Variants in C1orf105 observed in about 807,000 individuals in gnomAD.
The protein encoded by C1orf105 is chromosome 1 open reading frame 105, also known as uncharacterized protein C1orf105.
A neutral mutation model predicts 20.8 loss-of-function variants in C1orf105; 17 were observed. The ratio of observed to expected loss-of-function variants is 0.82; its 90% CI spans 0.56 to 1.23. C1orf105 has a LOEUF of 1.23. Among genes scored for constraint, C1orf105 ranks in the 50% most tolerant of loss-of-function variants. The pLI, the probability that C1orf105 is intolerant of heterozygous loss-of-function variation, is 0.00. For missense variants in C1orf105, 219 were observed against 213.5 expected, an observed-to-expected ratio of 1.03 and a Z score of -0.16; for synonymous variants, 72 against 72.1, an observed-to-expected ratio of 1.00 and a Z score of 0.01.
At chr1:172,451,023 C>T (rs947763622) in intron 3 of C1orf105, 4 of 152,256 alleles carry the variant, frequency 2.6e-5, no homozygotes, top group Non-Finnish European at 5.9e-5. Flanking sequence ...CTCACGACTC[C>T]TCAAGATGCT....
In C1orf105 at chr1:172,442,030, T is replaced by C. The variant is rs749950443; in HGVS notation, c.22-3043T>C. ...GGCAAATGTCACCATGATGAAGGCA[T>C]GCAGGGACCGGGGAAGACGTGATGC... is the stretch of plus-strand genomic sequence containing the variant. On this transcript the variant is annotated intron_variant, in intron 1 of 6. Coordinates refer to ENST00000367727, the MANE Select transcript of C1orf105 (RefSeq NM_139240.4). 33 of 1,614,094 alleles carry C rather than the reference T, an allele frequency of 2.0e-5. No homozygotes were observed. The highest frequency in any genetic ancestry group is 1.6e-4 in the Middle Eastern group (1 of 6,084).
intron 6 of C1orf105, among the ~76,000 whole-genome samples, chr1:172,465,851 A>T (rs1296656072): frequency 6.6e-6 from 1 of 152,244 alleles, no homozygotes; most frequent in Non-Finnish European, 1.5e-5. Flanking sequence ...AGAAACAAGG[A>T]AAGCAGCTCT....
rs901004784 is a variant in C1orf105 at position 172,429,271 on chromosome 1, T to C, written c.21+8365T>C. Among the ~76,000 whole-genome samples the C allele has an allele frequency of 3.3e-5, 5 of 151,034 alleles. No homozygotes were observed. In the East Asian group the frequency reaches 5.8e-4, roughly 18 times the overall value. ...ACACACACACAGACACACACACACA[T>C]ACACACACAACGTGCATAGCACGTT... On this transcript the variant is annotated intron_variant, in intron 1 of 6. Coordinates refer to ENST00000367727, the MANE Select transcript of C1orf105 (RefSeq NM_139240.4).
At chr1:172,452,039 A>G (rs1648709092) in intron 3 of C1orf105, among the ~76,000 whole-genome samples, 1 of 151,530 alleles carries the variant, frequency 6.6e-6, no homozygotes, top group African/African-American at 2.4e-5. Context: ...CGCCTGGCTA[A>G]TTTTTGTATT....
intron 1 of C1orf105, among the ~76,000 whole-genome samples, chr1:172,439,254 C>A (rs1409753566): frequency 1.3e-5 from 2 of 152,144 alleles, no homozygotes; most frequent in African/African-American, 4.8e-5. Context: ...TTTATCACAT[C>A]TCTCTTCAAA....
chr1:172,433,244 T>A (rs1446548060), intron 1 of C1orf105, among the ~76,000 whole-genome samples: 2 of 152,004 alleles, frequency 1.3e-5, no homozygotes, highest in Non-Finnish European at 2.9e-5. Context: ...ATTCAGGAAA[T>A]ACACAGAACA....
chr1:172,460,899 G>A (rs1277635276), intron 4 of C1orf105, among the ~76,000 whole-genome samples: 1 of 152,220 alleles, frequency 6.6e-6, no homozygotes, highest in African/African-American at 2.4e-5. Context: ...TTGGCAGGCA[G>A]CTTTGTTCTG....
intron 1 of C1orf105, among the ~76,000 whole-genome samples, chr1:172,436,973 A>G (rs2072058589): frequency 6.6e-6 from 1 of 152,266 alleles, no homozygotes. Flanking sequence ...TGCTGCCAAC[A>G]GACACATGAA....
Position 172,444,390 on chromosome 1 carries a change from C to T in C1orf105, c.22-683C>T, listed in dbSNP as rs567493020. 3.5e-5 allele frequency: 26 copies of T among 735,230 alleles called. No homozygotes were observed. In the South Asian group the frequency reaches 1.4e-3, roughly 40 times the overall value. 45.5% of individuals were successfully genotyped at this position (735,230 alleles called of 1,614,324 possible). On this transcript the variant is annotated intron_variant, in intron 1 of 6. Coordinates refer to ENST00000367727, the MANE Select transcript of C1orf105 (RefSeq NM_139240.4). ...AGTCAGGCCCTCAGCTGGGACTTCC[C>T]GTGCATCCATGCGTTCATTCCACAG... is the stretch of plus-strand genomic sequence containing the variant.
intron 1 of C1orf105, chr1:172,442,659 G>A (rs1439117312): frequency 3.0e-5 from 46 of 1,556,010 alleles, no homozygotes; most frequent in Non-Finnish European, 3.7e-5. Context: ...TTTAATCATC[G>A]CCCTCACAGA....
chr1:172,439,848 TAGAA>T (rs779414683), intron 1 of C1orf105, among the ~76,000 whole-genome samples: 2,384 of 152,320 alleles, frequency 0.016, 24 homozygotes, highest in Middle Eastern at 0.027. Context: ...ATGTGGACTA[TAGAA>T]TAATTATGAG....
At chr1:172,462,950 T>G (rs1328337157) in intron 5 of C1orf105, among the ~76,000 whole-genome samples, 1 of 146,142 alleles carries the variant, frequency 6.8e-6, no homozygotes, top group African/African-American at 2.5e-5. Flanking sequence ...TTTTTTTTTT[T>G]CTTCTTAGTG....
At chr1:172,462,278 A>C in intron 5 of C1orf105, 33 bp downstream of exon 5, 1 of 1,478,908 alleles carries the variant, frequency 6.8e-7, no homozygotes, top group East Asian at 2.3e-5. Flanking sequence ...GACATGACTT[A>C]ATTCTTGTTA....
intron 1 of C1orf105, among the ~76,000 whole-genome samples, chr1:172,423,254 C>T (rs989588814): frequency 1.3e-5 from 2 of 152,200 alleles, no homozygotes; most frequent in African/African-American, 2.4e-5. Context: ...TTATATCACC[C>T]CTCCCTTAGC....
chr1:172,429,284 T>A (rs539821405), intron 1 of C1orf105, among the ~76,000 whole-genome samples: 1 of 152,044 alleles, frequency 6.6e-6, no homozygotes, highest in South Asian at 2.1e-4. Context: ...ACACACAACG[T>A]GCATAGCACG....
chr1:172,432,042 C>T (rs2071890103), intron 1 of C1orf105, among the ~76,000 whole-genome samples: 3 of 152,322 alleles, frequency 2.0e-5, no homozygotes, highest in Admixed American at 6.5e-5. Flanking sequence ...GGGGGAGGGG[C>T]GTCCTCCATC....
chr1:172,435,038 C>G (rs2071994758), intron 1 of C1orf105, among the ~76,000 whole-genome samples: 1 of 152,186 alleles, frequency 6.6e-6, no homozygotes, highest in African/African-American at 2.4e-5. Context: ...CCTCCCACAA[C>G]TAAACGAGGA....
chr1:172,461,394 AG>A (rs1649682898), intron 4 of C1orf105, among the ~76,000 whole-genome samples: 2 of 152,246 alleles, frequency 1.3e-5, no homozygotes, highest in Non-Finnish European at 2.9e-5. Context: ...TGAGTAGAGT[AG>A]TTGAACACCT....
chr1:172,454,344 G>A (rs571581241), intron 3 of C1orf105, among the ~76,000 whole-genome samples: 4 of 151,392 alleles, frequency 2.6e-5, no homozygotes, highest in East Asian at 3.9e-4. Context: ...ATGATATCTA[G>A]TGTGTCCTAC....
Sources: gnomAD v4.1 joint callset for allele counts (sites outside exome capture counted in the v4.1 genomes callset) on GRCh38, gnomAD v4.1.1 for gene constraint, MANE v1.5 for transcripts, NCBI Gene and HGNC (gene_info 2026-07-23, HGNC 2026-07-21) for gene names.